Variants in RPS6KC1 observed in about 807,000 individuals in gnomAD.
The protein encoded by RPS6KC1 is ribosomal protein S6 kinase C1.
Under a neutral mutation model 103.8 loss-of-function variants are expected in RPS6KC1, and 54 were observed. That is an observed-to-expected ratio of 0.52 (90% CI 0.42 to 0.65). RPS6KC1 has a LOEUF of 0.65. Among genes scored for constraint, RPS6KC1 ranks in the 30% least tolerant of loss-of-function variants. RPS6KC1 has a pLI of 0.00. For missense variants in RPS6KC1, 1,151 were observed against 1,253.8 expected (o/e 0.92, Z 1.24); for synonymous variants, 439 against 438.7 (o/e 1.00, Z -0.01).
At chr1:213,405,583 C>A in the RPS6KC1 span, among the ~76,000 whole-genome samples, 3 of 152,200 alleles carry the variant, frequency 2.0e-5, no homozygotes, top group African/African-American at 7.2e-5. Flanking sequence ...AACAAGATCC[C>A]TGTGTTTGCT....
At chr1:213,788,024 C>T in the RPS6KC1 span, among the ~76,000 whole-genome samples, 1 of 152,188 alleles carries the variant, frequency 6.6e-6, no homozygotes, top group African/African-American at 2.4e-5. Flanking sequence ...TGCATTCACT[C>T]TACCCAGTGG....
chr1:213,500,797 T>C, the RPS6KC1 span, among the ~76,000 whole-genome samples: 1 of 152,174 alleles, frequency 6.6e-6, no homozygotes, highest in Non-Finnish European at 1.5e-5. Flanking sequence ...TCTAAACATA[T>C]GAACAATAAA....
At chr1:213,672,256 C>G in the RPS6KC1 span, among the ~76,000 whole-genome samples, 1 of 152,192 alleles carries the variant, frequency 6.6e-6, no homozygotes, top group African/African-American at 2.4e-5. Flanking sequence ...CTTCTCCACA[C>G]CCATATTTGG....
At chr1:213,531,886 G>A in the RPS6KC1 span, among the ~76,000 whole-genome samples, 12 of 152,288 alleles carry the variant, frequency 7.9e-5, no homozygotes, top group East Asian at 2.3e-3. Flanking sequence ...GCTGGACCCA[G>A]GTATGGGTCT....
At chr1:213,684,002 G>A in the RPS6KC1 span, among the ~76,000 whole-genome samples, 1 of 152,188 alleles carries the variant, frequency 6.6e-6, no homozygotes. Context: ...ACTGAGGCCA[G>A]CTCAGTTTCA....
the RPS6KC1 span, among the ~76,000 whole-genome samples, chr1:213,618,993 G>A: frequency 3.9e-5 from 6 of 152,318 alleles, no homozygotes; most frequent in African/African-American, 1.2e-4. Flanking sequence ...GTAGAAGAGA[G>A]CAAGGACATA....
chr1:213,377,070 G>A, the RPS6KC1 span, among the ~76,000 whole-genome samples: 1 of 152,184 alleles, frequency 6.6e-6, no homozygotes, highest in African/African-American at 2.4e-5. Flanking sequence ...GGGAAGGCCC[G>A]TCTTGGGATG....
chr1:213,543,086 C>T, the RPS6KC1 span, among the ~76,000 whole-genome samples: 2 of 152,086 alleles, frequency 1.3e-5, no homozygotes, highest in South Asian at 4.2e-4. Flanking sequence ...TGAGAATGGC[C>T]CATTCAGGAC....
chr1:213,281,260 A>G, the RPS6KC1 span, among the ~76,000 whole-genome samples: 3 of 152,310 alleles, frequency 2.0e-5, no homozygotes, highest in Non-Finnish European at 4.4e-5. Context: ...CTGTCTTTCA[A>G]GTGTAAGGCT....
chr1:213,529,255 A>G, the RPS6KC1 span, among the ~76,000 whole-genome samples: 1 of 152,140 alleles, frequency 6.6e-6, no homozygotes, highest in Non-Finnish European at 1.5e-5. Flanking sequence ...CAGGCAAAGA[A>G]GGAAGAACAA....
At chr1:213,592,197 A>G in the RPS6KC1 span, among the ~76,000 whole-genome samples, 1 of 152,162 alleles carries the variant, frequency 6.6e-6, no homozygotes, top group East Asian at 1.9e-4. Context: ...TACTGGGTGG[A>G]AGGAAATGAT....
the RPS6KC1 span, among the ~76,000 whole-genome samples, chr1:213,497,903 AACT>A: frequency 1.3e-5 from 2 of 152,098 alleles, no homozygotes; most frequent in East Asian, 1.9e-4. Flanking sequence ...AAATTTAAGA[AACT>A]ACTAGTTAAA....
intron 7 of RPS6KC1, 68 bp downstream of exon 7, chr1:213,168,041 TC>T (rs1233443500): frequency 2.2e-6 from 2 of 928,472 alleles, no homozygotes; most frequent in African/African-American, 3.3e-5. Context: ...CTGCTTTATT[TC>T]TAATTAGAAT....
At chr1:213,104,776 T>C (rs2082321296) in intron 4 of RPS6KC1, among the ~76,000 whole-genome samples, 1 of 151,390 alleles carries the variant, frequency 6.6e-6, no homozygotes, top group Non-Finnish European at 1.5e-5. Flanking sequence ...CTGGTTCTGC[T>C]CTGTTGCTTA....
At chr1:213,850,287 C>T in the RPS6KC1 span, among the ~76,000 whole-genome samples, 2 of 152,256 alleles carry the variant, frequency 1.3e-5, no homozygotes, top group Middle Eastern at 6.8e-3. Flanking sequence ...TACTAGATCA[C>T]AAAGAGTTTT....
chr1:213,120,124 A>G (rs1482149354), intron 5 of RPS6KC1, among the ~76,000 whole-genome samples: 1 of 152,216 alleles, frequency 6.6e-6, no homozygotes, highest in Non-Finnish European at 1.5e-5. Flanking sequence ...ATTTCTGTCA[A>G]AAACACGGAA....
chr1:213,066,826 G>A (rs1182209546), intron 1 of RPS6KC1, among the ~76,000 whole-genome samples: 2 of 152,164 alleles, frequency 1.3e-5, no homozygotes, highest in Non-Finnish European at 2.9e-5. Flanking sequence ...GTGATCTGGT[G>A]AATTTCAGTT....
At chr1:213,813,784 G>C in the RPS6KC1 span, among the ~76,000 whole-genome samples, 2 of 152,200 alleles carry the variant, frequency 1.3e-5, 1 homozygote, top group Admixed American at 1.3e-4. Context: ...GAGAGGAGCA[G>C]AGGGGGGCTG....
chr1:213,333,608 T>G, the RPS6KC1 span, among the ~76,000 whole-genome samples: 1 of 152,200 alleles, frequency 6.6e-6, no homozygotes, highest in Non-Finnish European at 1.5e-5. Context: ...TGCCGCGTGT[T>G]GCAGGTCAGG....
Sources: gnomAD v4.1 joint callset for allele counts (sites outside exome capture counted in the v4.1 genomes callset) on GRCh38, gnomAD v4.1.1 for gene constraint, MANE v1.5 for transcripts, NCBI Gene and HGNC (gene_info 2026-07-23, HGNC 2026-07-21) for gene names.